Variants in DCC observed in about 807,000 individuals in gnomAD.
DCC encodes the protein netrin receptor DCC.
DCC carries 58 observed loss-of-function variants against 172.5 expected under a neutral mutation model. The observed-to-expected ratio is 0.34, with a 90% confidence interval of 0.27 to 0.42. The LOEUF (loss-of-function observed/expected upper bound fraction) is 0.42, where lower values mean the gene tolerates loss of function less well. Among genes scored for constraint, DCC ranks in the 10% least tolerant of loss-of-function variants. The pLI is 1.00. For synonymous variants in DCC, 709 were observed against 644.5 expected, an observed-to-expected ratio of 1.10 and a Z score of -1.52; for missense variants, 1,740 against 1,791.0, an observed-to-expected ratio of 0.97 and a Z score of 0.51.
chr18:53,028,478 A>G (rs959970243), intron 5 of DCC, among the ~76,000 whole-genome samples: 1 of 152,178 alleles, frequency 6.6e-6, no homozygotes, highest in Non-Finnish European at 1.5e-5. Context: ...TACGCATAAT[A>G]TTCAAAGTAT....
At chr18:53,524,195 G>A (rs1314353071) in intron 27 of DCC, among the ~76,000 whole-genome samples, 5 of 151,700 alleles carry the variant, frequency 3.3e-5, no homozygotes, top group African/African-American at 1.2e-4. Context: ...GCTTGATTTA[G>A]CCATTCTATA....
chr18:53,048,742 C>T (rs892400804), intron 5 of DCC, among the ~76,000 whole-genome samples: 1 of 151,510 alleles, frequency 6.6e-6, no homozygotes, highest in Non-Finnish European at 1.5e-5. Context: ...AACGGCAATT[C>T]TCTTTTCAGC....
rs1210924525 is a variant in DCC, at chr18:53,428,992, A to AT, written c.3164-6146dup. ...TATATAACATATATATATTTTATATATTTTTTATATAATATATATTTTATA... is the reference window on the plus strand; with the variant it reads ...TATATAACATATATATATTTTATATATTTTTTTATATAATATATATTTTATA... On this transcript the variant is annotated intron_variant, in intron 21 of 28. Coordinates refer to ENST00000442544, the MANE Select transcript of DCC (RefSeq NM_005215.4). 1.4e-3 allele frequency among the ~76,000 whole-genome samples: 79 copies of AT among 56,538 alleles called. 23 individuals carry two copies. Among genetic ancestry groups the AT allele is most frequent in the Non-Finnish European group, 2.6e-3 (69 of 26,814 alleles). The allele number at this position is 56,538 out of a possible 152,430, so 37.1% of individuals were successfully genotyped here.
At chr18:52,697,393 T>C (rs1243169930) in intron 1 of DCC, among the ~76,000 whole-genome samples, 1 of 152,224 alleles carries the variant, frequency 6.6e-6, no homozygotes, top group Non-Finnish European at 1.5e-5. Context: ...GGATGGGTTA[T>C]CTACCTTAGG....
At chr18:52,497,373 G>A (rs1391003454) in intron 1 of DCC, among the ~76,000 whole-genome samples, 1 of 95,226 alleles carries the variant, frequency 1.1e-5, no homozygotes, top group Non-Finnish European at 2.1e-5. Context: ...ATACATATGT[G>A]TATATATGTA....
Position 53,371,788 on chromosome 18 carries a change from T to C in DCC, c.2360-14255T>C, listed in dbSNP as rs73467268. On this transcript the variant is annotated intron_variant, in intron 15 of 28. Transcript: ENST00000442544. Reference sequence around the variant, plus strand: ...AGAATTTACAAGAAAAAAAGCCCATTAAAAAGTGGGCAAATAATACGAACA... The same window carrying C: ...AGAATTTACAAGAAAAAAAGCCCATCAAAAAGTGGGCAAATAATACGAACA... Among the ~76,000 whole-genome samples, 863 of 151,868 alleles carry C rather than the reference T, an allele frequency of 5.7e-3. 7 individuals carry two copies. The highest frequency in any genetic ancestry group is 0.02 in the African/African-American group (818 of 41,474).
intron 12 of DCC, among the ~76,000 whole-genome samples, chr18:53,222,097 AG>A: frequency 6.6e-6 from 1 of 152,332 alleles, no homozygotes; most frequent in South Asian, 2.1e-4. Context: ...AAAACTCAAC[AG>A]TTTACGTCTT....
intron 12 of DCC, among the ~76,000 whole-genome samples, chr18:53,270,369 T>C (rs1297764849): frequency 1.3e-5 from 2 of 152,104 alleles, no homozygotes; most frequent in East Asian, 3.9e-4. Flanking sequence ...TCTTTGTTTT[T>C]GGGGGAGGGG....
chr18:52,445,331 G>T (rs145813625), intron 1 of DCC, among the ~76,000 whole-genome samples: 24 of 152,196 alleles, frequency 1.6e-4, no homozygotes, highest in African/African-American at 4.8e-4. Context: ...GGAACAGCAG[G>T]CGTATTACCA....
At chr18:52,457,394 A>G (rs938807370) in intron 1 of DCC, among the ~76,000 whole-genome samples, 1 of 152,224 alleles carries the variant, frequency 6.6e-6, no homozygotes, top group Non-Finnish European at 1.5e-5. Flanking sequence ...CACACATTAA[A>G]TATTTTTCAT....
In DCC at chr18:53,376,615, C is replaced by A. The variant is rs1466279721; in HGVS notation, c.2360-9428C>A. Among the ~76,000 whole-genome samples, 3 of 152,098 alleles carry A rather than the reference C, an allele frequency of 2.0e-5. No homozygotes were observed. The East Asian group carries it at 5.8e-4, about 29-fold the overall frequency. ...GGGAAGCAATTATTTGGAAGAGTGT[C>A]TGGAGTACACGTGCTGCTTTCCTGA... On this transcript the variant is annotated intron_variant, in intron 15 of 28. Coordinates refer to ENST00000442544, the MANE Select transcript of DCC (RefSeq NM_005215.4).
chr18:53,460,286 T>G (rs1354416271), intron 24 of DCC, among the ~76,000 whole-genome samples: 15 of 118,390 alleles, frequency 1.3e-4, no homozygotes, highest in East Asian at 5.1e-4. Context: ...TTTTTTTTTT[T>G]TTTTTTTTTT....
intron 1 of DCC, among the ~76,000 whole-genome samples, chr18:52,352,422 G>T (rs1424399939): frequency 1.3e-5 from 2 of 152,132 alleles, no homozygotes; most frequent in Non-Finnish European, 1.5e-5. Flanking sequence ...CCATGCCTTT[G>T]CTTGATTTAG....
At chr18:52,817,631 A>G (rs8092182) in intron 2 of DCC, among the ~76,000 whole-genome samples, 12,536 of 152,156 alleles carry the variant, frequency 0.082, 1,676 homozygotes, top group African/African-American at 0.28. Context: ...AGTGATGACA[A>G]TGATTTTTTT....
intron 2 of DCC, among the ~76,000 whole-genome samples, chr18:52,838,029 G>GA (rs747104459): frequency 6.8e-4 from 104 of 152,108 alleles, no homozygotes; most frequent in Non-Finnish European, 1.4e-3. Context: ...ACTATCACGA[G>GA]AACAGGGTGG....
intron 1 of DCC, among the ~76,000 whole-genome samples, chr18:52,529,354 G>C (rs911836502): frequency 1.3e-5 from 2 of 152,056 alleles, no homozygotes; most frequent in Admixed American, 6.6e-5. Context: ...GCAGTGGCAC[G>C]ATCTCAGCTC....
intron 12 of DCC, among the ~76,000 whole-genome samples, chr18:53,266,486 ACT>A (rs1391829883): frequency 6.6e-6 from 1 of 152,090 alleles, no homozygotes; most frequent in African/African-American, 2.4e-5. Context: ...CAAAGTTGAG[ACT>A]CAACCCAATG....
At chr18:52,691,474 G>A (rs1276927810) in intron 1 of DCC, among the ~76,000 whole-genome samples, 9 of 152,106 alleles carry the variant, frequency 5.9e-5, no homozygotes, top group Non-Finnish European at 2.9e-5. Context: ...GGAGGCTTTA[G>A]AGAAGAATCC....
Position 52,491,338 on chromosome 18 carries a change from A to G in DCC, c.91+150460A>G, listed in dbSNP as rs559334653. Among the ~76,000 whole-genome samples, 6 of 152,182 alleles carry G rather than the reference A, an allele frequency of 3.9e-5. No individual in the cohort carries two copies. In the South Asian group the frequency reaches 1.2e-3, roughly 32 times the overall value. On this transcript the variant is annotated intron_variant, in intron 1 of 28. Coordinates refer to ENST00000442544, the MANE Select transcript of DCC (RefSeq NM_005215.4). ...GAATCAAACATGCAAACAAACACAT[A>G]TATAATTGCAAACTGTGGTATGATA... is the stretch of plus-strand genomic sequence containing the variant.
Sources: gnomAD v4.1 joint callset for allele counts (sites outside exome capture counted in the v4.1 genomes callset) on GRCh38, gnomAD v4.1.1 for gene constraint, MANE v1.5 for transcripts, NCBI Gene and HGNC (gene_info 2026-07-23, HGNC 2026-07-21) for gene names.